ODAD2: variants seen among roughly 807,000 people sequenced by gnomAD.
The protein encoded by ODAD2 is outer dynein arm docking complex subunit 2.
ODAD2 carries 89 observed loss-of-function variants against 106.8 expected under a neutral mutation model. The ratio of observed to expected loss-of-function variants is 0.83; its 90% CI spans 0.70 to 0.99. The LOEUF is 0.99. ODAD2 is among the 50% of genes least tolerant of loss of function. The probability of loss-of-function intolerance (pLI) is 0.00; values close to 1 mark genes in which losing one functional copy is unlikely to be tolerated. For missense variants in ODAD2, 1,168 were observed against 1,238.5 expected (o/e 0.94, Z 0.85); for synonymous variants, 404 against 436.2 (o/e 0.93, Z 0.92).
At chr10:27,914,494 T>A (rs1844227169) in intron 16 of ODAD2, among the ~76,000 whole-genome samples, 1 of 152,160 alleles carries the variant, frequency 6.6e-6, no homozygotes, top group Admixed American at 6.6e-5. Context: ...GTTCATTTTC[T>A]CAATTTGTTA....
At chr10:27,983,821 A>G (rs559576750) in intron 6 of ODAD2, 22 bp downstream of exon 6, 1 of 1,610,564 alleles carries the variant, frequency 6.2e-7, no homozygotes, top group Non-Finnish European at 8.5e-7. Flanking sequence ...GGCTTTAGTT[A>G]CGTTTTTAAA....
At chr10:27,854,901 A>T (rs1346253879) in intron 19 of ODAD2, among the ~76,000 whole-genome samples, 1 of 152,202 alleles carries the variant, frequency 6.6e-6, no homozygotes, top group Admixed American at 6.5e-5. Context: ...GAGTGAAGGA[A>T]GCCAAACAAA....
At chr10:27,945,836 C>T (rs1395118169) in intron 10 of ODAD2, among the ~76,000 whole-genome samples, 1 of 152,000 alleles carries the variant, frequency 6.6e-6, no homozygotes, top group Non-Finnish European at 1.5e-5. Flanking sequence ...GGCATCAGCA[C>T]TAAAGTAGCG....
intron 19 of ODAD2, among the ~76,000 whole-genome samples, chr10:27,832,521 T>TCA (rs930716593): frequency 1.8e-4 from 27 of 151,672 alleles, no homozygotes; most frequent in African/African-American, 6.3e-4. Flanking sequence ...CCCATGTTGT[T>TCA]CACACACACA....
intron 19 of ODAD2, among the ~76,000 whole-genome samples, chr10:27,815,320 A>C (rs1160540531): frequency 6.6e-6 from 1 of 152,210 alleles, no homozygotes; most frequent in East Asian, 1.9e-4. Context: ...CGTCTTACAC[A>C]TTAAAAATAA....
chr10:27,923,984 A>G (rs993368418), intron 16 of ODAD2, among the ~76,000 whole-genome samples: 1 of 137,904 alleles, frequency 7.3e-6, no homozygotes, highest in African/African-American at 2.8e-5. Flanking sequence ...GAAAGAAAGA[A>G]AGAAAGAAAG....
At chr10:27,828,631 C>T (rs1380575544) in intron 19 of ODAD2, among the ~76,000 whole-genome samples, 1 of 152,068 alleles carries the variant, frequency 6.6e-6, no homozygotes, top group African/African-American at 2.4e-5. Flanking sequence ...CATAATTTAA[C>T]AAGGAAATAT....
In ODAD2 at chr10:27,925,964, C is replaced by T. The variant is rs182867167; in HGVS notation, c.2495+9046G>A. Among the ~76,000 whole-genome samples, 250 of 149,638 alleles carry T rather than the reference C, an allele frequency of 1.7e-3. 1 individual carries two copies. The highest frequency in any genetic ancestry group is 2.6e-3 in the Non-Finnish European group (173 of 67,664). ...AGGGTTGCAGTGAGCCAAGATGGTGCCACTGCACTCCAACCTGGGTGACAG... is the reference window on the plus strand; with the variant it reads ...AGGGTTGCAGTGAGCCAAGATGGTGTCACTGCACTCCAACCTGGGTGACAG... On this transcript the variant is annotated intron_variant, in intron 16 of 19. Transcript: ENST00000305242.
intron 18 of ODAD2, among the ~76,000 whole-genome samples, chr10:27,861,355 T>C (rs755760697): frequency 2.6e-5 from 4 of 152,216 alleles, no homozygotes; most frequent in Admixed American, 1.3e-4. Flanking sequence ...TTTCTTCTTA[T>C]GAACTGAATG....
At chr10:27,997,033 C>A (rs1022899694) in intron 1 of ODAD2, among the ~76,000 whole-genome samples, 2 of 152,070 alleles carry the variant, frequency 1.3e-5, no homozygotes, top group Non-Finnish European at 2.9e-5. Flanking sequence ...AGCAAAGCAG[C>A]CTTACAACAT....
intron 10 of ODAD2, among the ~76,000 whole-genome samples, chr10:27,953,139 C>T (rs1379203791): frequency 1.3e-5 from 2 of 152,084 alleles, no homozygotes; most frequent in Non-Finnish European, 2.9e-5. Context: ...AAAACATGTC[C>T]TTTGTCTCTG....
chr10:27,930,422 G>A (rs1213285403), intron 16 of ODAD2, among the ~76,000 whole-genome samples: 1 of 151,952 alleles, frequency 6.6e-6, no homozygotes, highest in Non-Finnish European at 1.5e-5. Context: ...GATGAGGGAG[G>A]AGGATTGCTT....
At chr10:27,918,723 A>G (rs910610786) in intron 16 of ODAD2, among the ~76,000 whole-genome samples, 1 of 151,824 alleles carries the variant, frequency 6.6e-6, no homozygotes, top group African/African-American at 2.4e-5. Flanking sequence ...AATAACAGAC[A>G]TAAGGATTGT....
intron 19 of ODAD2, among the ~76,000 whole-genome samples, chr10:27,841,632 G>A (rs1046368704): frequency 4.6e-5 from 7 of 151,990 alleles, no homozygotes; most frequent in African/African-American, 1.7e-4. Context: ...CTGACCTCAG[G>A]TGATCTGCCT....
intron 17 of ODAD2, among the ~76,000 whole-genome samples, chr10:27,873,938 C>G (rs1043663202): frequency 5.3e-4 from 81 of 152,160 alleles, no homozygotes; most frequent in African/African-American, 1.9e-3. Context: ...GTTGATCCGT[C>G]TAATGTTGAC....
chr10:27,882,939 G>A (rs1057057474), intron 17 of ODAD2, among the ~76,000 whole-genome samples: 4 of 151,456 alleles, frequency 2.6e-5, no homozygotes, highest in Admixed American at 6.6e-5. Flanking sequence ...AAAAAAAAAA[G>A]CTGCTTGAGA....
chr10:27,827,801 C>T (rs751075237), intron 19 of ODAD2, among the ~76,000 whole-genome samples: 2 of 152,202 alleles, frequency 1.3e-5, no homozygotes, highest in Non-Finnish European at 2.9e-5. Flanking sequence ...ATTTTAATGG[C>T]TCCCCAATGT....
chr10:27,959,066 G>C (rs1847925799), intron 10 of ODAD2: 3 of 1,233,004 alleles, frequency 2.4e-6, no homozygotes, highest in Non-Finnish European at 3.2e-6. Context: ...GACGGGCTTA[G>C]AGGCTCATGC....
chr10:27,944,458 G>T (rs758764784), intron 11 of ODAD2, 27 bp from the exon 12 acceptor site: 1 of 1,578,068 alleles, frequency 6.3e-7, no homozygotes, highest in Non-Finnish European at 8.7e-7. Flanking sequence ...AAGATGAGTG[G>T]CGAATATGTA....
Sources: gnomAD v4.1 joint callset for allele counts (sites outside exome capture counted in the v4.1 genomes callset) on GRCh38, gnomAD v4.1.1 for gene constraint, MANE v1.5 for transcripts, NCBI Gene and HGNC (gene_info 2026-07-23, HGNC 2026-07-21) for gene names.